Variants in FIGN observed in about 807,000 individuals in gnomAD.
FIGN encodes fidgetin, microtubule severing factor.
FIGN carries 11 observed loss-of-function variants against 51.3 expected under a neutral mutation model. That is an observed-to-expected ratio of 0.21 (90% CI 0.13 to 0.35). The LOEUF (loss-of-function observed/expected upper bound fraction) is 0.35, where lower values mean the gene tolerates loss of function less well. FIGN is among the 10% of genes least tolerant of loss of function. FIGN has a pLI of 1.00. For synonymous variants in FIGN, 407 were observed against 363.2 expected, an observed-to-expected ratio of 1.12 and a Z score of -1.37; for missense variants, 857 against 943.6, an observed-to-expected ratio of 0.91 and a Z score of 1.20.
rs1272030268 is a variant in FIGN at position 163,677,400 on chromosome 2, G to T, written c.25+57503C>A. Among the ~76,000 whole-genome samples, 10 of 152,270 alleles carry T rather than the reference G, an allele frequency of 6.6e-5. No homozygotes were observed. In the East Asian group the frequency reaches 1.5e-3, roughly 24 times the overall value. On this transcript the variant is annotated intron_variant, in intron 2 of 2. Coordinates refer to ENST00000333129, the MANE Select transcript of FIGN (RefSeq NM_018086.4). The stretch of plus-strand genomic sequence containing the variant: ...AATTCAGGGCTGCAATGGTGTAAAT[G>T]GTCTGTCTACATTTGTTCTGTCCAA...
At chr2:163,628,691 C>T (rs182998861) in intron 2 of FIGN, among the ~76,000 whole-genome samples, 13 of 151,588 alleles carry the variant, frequency 8.6e-5, no homozygotes, top group Admixed American at 4.6e-4. Context: ...GATGGGCTAA[C>T]CAATTATATT....
intron 2 of FIGN, among the ~76,000 whole-genome samples, chr2:163,618,634 T>C (rs1682917621): frequency 6.6e-6 from 1 of 152,086 alleles, no homozygotes; most frequent in Non-Finnish European, 1.5e-5. Flanking sequence ...TGTATTTCCA[T>C]ATTTCCCATT....
At chr2:163,643,228 G>T (rs763255359) in intron 2 of FIGN, among the ~76,000 whole-genome samples, 7 of 152,178 alleles carry the variant, frequency 4.6e-5, no homozygotes, top group Non-Finnish European at 8.8e-5. Context: ...ATAAATGCAT[G>T]TTTATGGGCA....
intron 2 of FIGN, among the ~76,000 whole-genome samples, chr2:163,684,062 A>T (rs1684107581): frequency 6.6e-6 from 1 of 152,156 alleles, no homozygotes; most frequent in Non-Finnish European, 1.5e-5. Flanking sequence ...CTAATGAGAA[A>T]TGTGTGTTTT....
chr2:163,716,046 A>T (rs1170476790), intron 2 of FIGN, among the ~76,000 whole-genome samples: 2 of 152,236 alleles, frequency 1.3e-5, no homozygotes, highest in Non-Finnish European at 2.9e-5. Flanking sequence ...ATTTATGCCA[A>T]CTGTGGGGCT....
intron 2 of FIGN, among the ~76,000 whole-genome samples, chr2:163,665,853 A>G (rs576094078): frequency 2.0e-4 from 30 of 151,852 alleles, no homozygotes; most frequent in Admixed American, 8.5e-4. Context: ...ACTTTGTAAA[A>G]CCTCTCTATG....
At chr2:163,704,314 GT>G (rs537647643) in intron 2 of FIGN, among the ~76,000 whole-genome samples, 27 of 152,124 alleles carry the variant, frequency 1.8e-4, no homozygotes, top group Non-Finnish European at 3.4e-4. Flanking sequence ...ATGATGAAAT[GT>G]TTCTCTACTT....
At chr2:163,730,928 C>A (rs1436182624) in intron 2 of FIGN, among the ~76,000 whole-genome samples, 1 of 152,146 alleles carries the variant, frequency 6.6e-6, no homozygotes, top group African/African-American at 2.4e-5. Flanking sequence ...GAAATCTGCA[C>A]TCAAGAATAT....
intron 2 of FIGN, among the ~76,000 whole-genome samples, chr2:163,658,130 G>A (rs1683592028): frequency 1.3e-5 from 2 of 152,170 alleles, no homozygotes; most frequent in African/African-American, 4.8e-5. Flanking sequence ...CTGCGGAATA[G>A]ATATTACTGG....
intron 2 of FIGN, among the ~76,000 whole-genome samples, chr2:163,697,758 T>C (rs1282266769): frequency 6.6e-6 from 1 of 152,170 alleles, no homozygotes; most frequent in Non-Finnish European, 1.5e-5. Context: ...GGTTTTCTCG[T>C]GTATAAAATA....
At position 163,646,949 on chromosome 2, in the gene FIGN, C is replaced by T. The variant is rs111328549; in HGVS notation, c.26-35143G>A. Among the ~76,000 whole-genome samples the T allele has an allele frequency of 5.7e-3, 870 of 152,320 alleles. 9 individuals are homozygous for T. The highest frequency in any genetic ancestry group is 0.02 in the African/African-American group (827 of 41,574). On this transcript the variant is annotated intron_variant, in intron 2 of 2. Coordinates refer to ENST00000333129, the MANE Select transcript of FIGN (RefSeq NM_018086.4). ...AGATACACTGATGGGAAGAAGTAAA[C>T]ACTGCCACAGTTACGGGAGCCCAGT...
intron 2 of FIGN, among the ~76,000 whole-genome samples, chr2:163,686,776 A>C (rs1237753829): frequency 2.2e-5 from 2 of 89,082 alleles, no homozygotes; most frequent in Non-Finnish European, 5.5e-5. Flanking sequence ...ATATATACAC[A>C]TACACACACA....
At chr2:163,714,617 C>G (rs1203643518) in intron 2 of FIGN, among the ~76,000 whole-genome samples, 1 of 152,198 alleles carries the variant, frequency 6.6e-6, no homozygotes, top group African/African-American at 2.4e-5. Flanking sequence ...ATCCTAGCTA[C>G]TTTCCATTAA....
At chr2:163,675,470 C>T (rs550793229) in intron 2 of FIGN, among the ~76,000 whole-genome samples, 1 of 152,292 alleles carries the variant, frequency 6.6e-6, no homozygotes. Context: ...AATGCAAATT[C>T]AGAGCCCTAG....
intron 2 of FIGN, among the ~76,000 whole-genome samples, chr2:163,662,215 T>C (rs1255713907): frequency 6.6e-6 from 1 of 152,038 alleles, no homozygotes; most frequent in Non-Finnish European, 1.5e-5. Context: ...TAAAGGTGAA[T>C]CTTGTTATGT....
chr2:163,732,198 C>G (rs1684941897), intron 2 of FIGN, among the ~76,000 whole-genome samples: 1 of 152,156 alleles, frequency 6.6e-6, no homozygotes, highest in African/African-American at 2.4e-5. Flanking sequence ...TCTGATACCT[C>G]TATTTTTAAG....
intron 2 of FIGN, among the ~76,000 whole-genome samples, chr2:163,692,164 CTTGT>C (rs1684248547): frequency 6.6e-6 from 1 of 152,006 alleles, no homozygotes; most frequent in Non-Finnish European, 1.5e-5. Flanking sequence ...TAGTCCTAAA[CTTGT>C]TTAAGTAAAA....
At chr2:163,623,447 C>T (rs76751793) in intron 2 of FIGN, among the ~76,000 whole-genome samples, 7,453 of 152,156 alleles carry the variant, frequency 0.049, 631 homozygotes, top group African/African-American at 0.17. Context: ...ATTGAATACC[C>T]ATTTTTGGGA....
chr2:163,716,373 T>TA (rs908835489), intron 2 of FIGN, among the ~76,000 whole-genome samples: 4 of 151,910 alleles, frequency 2.6e-5, no homozygotes, highest in African/African-American at 4.8e-5. Context: ...AACTGGTCGT[T>TA]AAAAAAAATC....
Sources: gnomAD v4.1 joint callset for allele counts (sites outside exome capture counted in the v4.1 genomes callset) on GRCh38, gnomAD v4.1.1 for gene constraint, MANE v1.5 for transcripts, NCBI Gene and HGNC (gene_info 2026-07-23, HGNC 2026-07-21) for gene names.